The following MKLN1 variants were observed in gnomAD, a reference collection of about 807,000 sequenced individuals.
The protein encoded by MKLN1 is muskelin.
A neutral mutation model predicts 99.0 loss-of-function variants in MKLN1; 18 were observed. That is an observed-to-expected ratio of 0.18 (90% confidence interval 0.13 to 0.27). The LOEUF (loss-of-function observed/expected upper bound fraction) is 0.27. Ranked by LOEUF, MKLN1 falls within the 10% of genes least tolerant of loss-of-function variation. The pLI, the probability that MKLN1 is intolerant of heterozygous loss-of-function variation, is 1.00. For synonymous variants in MKLN1, 288 were observed against 293.2 expected, an observed-to-expected ratio of 0.98 and a Z score of 0.18; for missense variants, 621 against 875.9, an observed-to-expected ratio of 0.71 and a Z score of 3.67.
intron 1 of MKLN1, among the ~76,000 whole-genome samples, chr7:131,133,819 G>GTTTTTTTTTTTTTTTTTTTTTTTTTTTT (rs1563226557): frequency 4.5e-5 from 3 of 67,242 alleles, no homozygotes; most frequent in Non-Finnish European, 6.2e-5. Flanking sequence ...TTTTTAATTT[G>GTTTTTTTTTTTTTTTTTTTTTTTTTTTT]GTTTTTTTTT....
intron 12 of MKLN1, among the ~76,000 whole-genome samples, chr7:131,457,883 C>G (rs1796397215): frequency 6.6e-6 from 1 of 152,054 alleles, no homozygotes; most frequent in Admixed American, 6.6e-5. Flanking sequence ...CCACTGGACT[C>G]CAGCCTGGGC....
intron 2 of MKLN1, among the ~76,000 whole-genome samples, chr7:131,377,993 T>G (rs1793715097): frequency 6.6e-6 from 1 of 152,210 alleles, no homozygotes; most frequent in Non-Finnish European, 1.5e-5. Context: ...GTGGCCAGTC[T>G]CAAGGGACAA....
Position 131,489,433 on chromosome 7 carries a change from A to G in MKLN1, c.*1705A>G, listed in dbSNP as rs1461311059. On this transcript the variant is annotated 3_prime_UTR_variant, in exon 18 of 18. Transcript: ENST00000352689. ...GAATAACCAAGTGGCTATCCAGTCA[A>G]GTAAATACAGTTTGCTTACATACTT... 1 of 152,166 alleles carries G rather than the reference A, an allele frequency of 6.6e-6. No individual in the cohort carries two copies. The highest frequency in any genetic ancestry group is 1.9e-4 in the East Asian group (1 of 5,192). 9.4% of individuals were successfully genotyped at this position (152,166 alleles called of 1,614,324 possible). A position where few individuals can be genotyped will look rare whatever the true frequency, so the allele number is the denominator to read the frequency against.
intron 3 of MKLN1, among the ~76,000 whole-genome samples, chr7:131,217,472 C>T (rs1370539941): frequency 6.6e-6 from 1 of 152,188 alleles, no homozygotes; most frequent in African/African-American, 2.4e-5. Context: ...CTGAGGCAGG[C>T]AGATCACCTG....
intron 3 of MKLN1, among the ~76,000 whole-genome samples, chr7:131,226,735 AGGCTG>A (rs1356290482): frequency 6.6e-6 from 1 of 152,342 alleles, no homozygotes; most frequent in Admixed American, 6.5e-5. Flanking sequence ...GGAAAAGGGC[AGGCTG>A]GATTTGAGCT....
intron 1 of MKLN1, among the ~76,000 whole-genome samples, chr7:131,340,832 A>C (rs1200475953): frequency 6.6e-6 from 1 of 152,150 alleles, no homozygotes; most frequent in Non-Finnish European, 1.5e-5. Flanking sequence ...TTTTAAGTCC[A>C]TTCTGTATTT....
At chr7:131,350,084 A>G (rs531885058) in intron 1 of MKLN1, among the ~76,000 whole-genome samples, 1 of 152,168 alleles carries the variant, frequency 6.6e-6, no homozygotes, top group Non-Finnish European at 1.5e-5. Context: ...TGTAATTTTC[A>G]ACCTGTATTT....
chr7:131,428,742 C>A (rs935128028), intron 8 of MKLN1, among the ~76,000 whole-genome samples: 2 of 152,156 alleles, frequency 1.3e-5, no homozygotes, highest in African/African-American at 2.4e-5. Context: ...AATACAGACC[C>A]ATTTTTACCC....
rs146350928 is a variant in MKLN1 at position 131,270,438 on chromosome 7, C to G, written c.-179+67464C>G. 3.2e-3 allele frequency among the ~76,000 whole-genome samples: 481 copies of G among 152,302 alleles called. 4 individuals are homozygous for G. Among genetic ancestry groups the G allele is most frequent in the African/African-American group, 0.011 (440 of 41,568 alleles). On this transcript the variant is annotated intron_variant, in intron 3 of 7. Coordinates refer to the MKLN1 transcript ENST00000416992. ...GTTTCACCATGTTGGCCAGGCTTGTCTCGAACTCCTGACCTCAGGTCATCC... is the reference window on the plus strand; with the variant it reads ...GTTTCACCATGTTGGCCAGGCTTGTGTCGAACTCCTGACCTCAGGTCATCC...
At chr7:131,481,813 C>G (rs11768820) in intron 17 of MKLN1, among the ~76,000 whole-genome samples, 1 of 109,230 alleles carries the variant, frequency 9.2e-6, no homozygotes, top group Non-Finnish European at 1.9e-5. Context: ...CTAAGGTCTG[C>G]AAAAAAAAAA....
chr7:131,494,703 G>A lies in MKLN1; in HGVS notation c.*6975G>A, dbSNP rs926965230. On this transcript the variant is annotated 3_prime_UTR_variant, in exon 18 of 18. Coordinates refer to ENST00000352689, the MANE Select transcript of MKLN1 (RefSeq NM_013255.5). ...AATAAAAGTGGACTTCCTTTCCTAAGCATTACAATTAGCCTGGGCAAGAGG... is the reference window on the plus strand; with the variant it reads ...AATAAAAGTGGACTTCCTTTCCTAAACATTACAATTAGCCTGGGCAAGAGG... 8.5e-5 allele frequency: 13 copies of A among 152,178 alleles called. No homozygotes were observed. The highest frequency in any genetic ancestry group is 3.1e-4 in the African/African-American group (13 of 41,506). The allele number at this position is 152,178 out of a possible 1,614,324, so 9.4% of individuals were successfully genotyped here. A position where few individuals can be genotyped will look rare whatever the true frequency, so the allele number is the denominator to read the frequency against.
intron 1 of MKLN1, among the ~76,000 whole-genome samples, chr7:131,119,068 T>C (rs1795321129): frequency 6.6e-6 from 1 of 152,236 alleles, no homozygotes; most frequent in Non-Finnish European, 1.5e-5. Context: ...ATATCTCATC[T>C]GAGACAATGC....
In MKLN1 at chr7:131,319,763, C is replaced by T. The variant is rs905364932; in HGVS notation, c.-178-55661C>T. On this transcript the variant is annotated intron_variant, in intron 3 of 7. Coordinates refer to the MKLN1 transcript ENST00000416992. ...TCAGCAAAGTCTCAGGATCAAAAAT[C>T]GCAAGCATTCCTGTACACCAATCAT... is the stretch of plus-strand genomic sequence containing the variant. Among the ~76,000 whole-genome samples, 8 of 152,146 alleles carry T rather than the reference C, an allele frequency of 5.3e-5. No homozygotes were observed. In the East Asian group the frequency reaches 7.7e-4, roughly 15 times the overall value.
intron 2 of MKLN1, among the ~76,000 whole-genome samples, chr7:131,386,715 G>T (rs569609993): frequency 1.3e-5 from 2 of 152,066 alleles, no homozygotes; most frequent in Non-Finnish European, 2.9e-5. Context: ...TTTTAGTGCC[G>T]CTTTCAAACA....
chr7:131,384,602 C>G (rs1443336688), intron 2 of MKLN1, among the ~76,000 whole-genome samples: 1 of 152,096 alleles, frequency 6.6e-6, no homozygotes, highest in Non-Finnish European at 1.5e-5. Context: ...TGTTTTAAAG[C>G]CATCGATTTG....
chr7:131,432,738 G>T (rs972883928), intron 9 of MKLN1, among the ~76,000 whole-genome samples: 1 of 152,094 alleles, frequency 6.6e-6, no homozygotes, highest in Non-Finnish European at 1.5e-5. Flanking sequence ...GAGCCACCGC[G>T]CCTGGCCCTC....
At chr7:131,290,301 C>T (rs1449432393) in intron 3 of MKLN1, among the ~76,000 whole-genome samples, 5 of 152,152 alleles carry the variant, frequency 3.3e-5, no homozygotes, top group Non-Finnish European at 7.3e-5. Flanking sequence ...AGTGAAATTC[C>T]GTCTCAAACA....
intron 1 of MKLN1, among the ~76,000 whole-genome samples, chr7:131,340,848 A>C (rs1388140273): frequency 6.6e-6 from 1 of 152,066 alleles, no homozygotes; most frequent in African/African-American, 2.4e-5. Flanking sequence ...TATTTTTTTC[A>C]ATGAGTTTCA....
chr7:131,390,572 TTA>T (rs1339239780), intron 4 of MKLN1, among the ~76,000 whole-genome samples: 1 of 152,082 alleles, frequency 6.6e-6, no homozygotes, highest in Non-Finnish European at 1.5e-5. Context: ...CAAATAATAA[TTA>T]TATATATTTA....
Sources: allele counts gnomAD v4.1 joint callset (sites outside exome capture counted in the v4.1 genomes callset), GRCh38; gene constraint gnomAD v4.1.1; transcripts MANE v1.5; gene names NCBI Gene and HGNC (gene_info 2026-07-23, HGNC 2026-07-21).